DOCK4: variants seen among roughly 807,000 people sequenced by gnomAD.
DOCK4 encodes the protein dedicator of cytokinesis 4, also known as dedicator of cytokinesis protein 4.
In DOCK4, 97 loss-of-function variants were observed where a neutral mutation model predicts 268.1. That is an observed-to-expected ratio of 0.36 (90% CI 0.31 to 0.43). The LOEUF (loss-of-function observed/expected upper bound fraction) is 0.43. Ranked by LOEUF, DOCK4 falls within the 20% of genes least tolerant of loss-of-function variation. DOCK4 has a pLI of 1.00. For synonymous variants in DOCK4, 954 were observed against 887.2 expected (o/e 1.08, Z -1.34); for missense variants, 2,145 against 2,455.7 (o/e 0.87, Z 2.67).
intron 30 of DOCK4, among the ~76,000 whole-genome samples, chr7:111,803,964 A>G (rs374755267): frequency 6.6e-6 from 1 of 152,322 alleles, no homozygotes; most frequent in East Asian, 1.9e-4. Context: ...TGGAGAGAAA[A>G]TGGAGAAACT....
intron 11 of DOCK4, among the ~76,000 whole-genome samples, chr7:111,937,322 G>A (rs1794821593): frequency 6.6e-6 from 1 of 152,102 alleles, no homozygotes; most frequent in Non-Finnish European, 1.5e-5. Context: ...TGACTGTTTT[G>A]ACTGGTTAGT....
At chr7:111,759,235 G>A (rs897829048) in intron 40 of DOCK4, among the ~76,000 whole-genome samples, 32 of 152,180 alleles carry the variant, frequency 2.1e-4, no homozygotes, top group African/African-American at 7.5e-4. Context: ...ATGCAACCAT[G>A]ACCAAAGACA....
rs56276228 is a variant in DOCK4 at position 111,936,485 on chromosome 7, AATGGATGGATGG to A, written c.978-869_978-858del. The stretch of plus-strand genomic sequence containing the variant: ...ATGCTTAAAAACTGTCAGTGGTATG[AATGGATGGATGG>A]ATGGATGGATGGATGGATGGATGGA... On this transcript the variant is annotated intron_variant, in intron 11 of 52. Coordinates refer to ENST00000428084, the MANE Select transcript of DOCK4 (RefSeq NM_001363540.2). Among the ~76,000 whole-genome samples, 298 of 148,174 alleles carry A rather than the reference AATGGATGGATGG, an allele frequency of 2.0e-3. 2 individuals are homozygous for A. The highest frequency in any genetic ancestry group is 8.2e-3 in the South Asian group (38 of 4,662).
intron 44 of DOCK4, 27 bp from the exon 45 acceptor site, chr7:111,742,159 C>G: frequency 6.5e-7 from 1 of 1,546,200 alleles, no homozygotes; most frequent in South Asian, 1.3e-5. Context: ...AGGAAAAAAC[C>G]TCACATCAAT....
At chr7:112,170,897 G>A (rs10953705) in intron 1 of DOCK4, among the ~76,000 whole-genome samples, 15,082 of 152,168 alleles carry the variant, frequency 0.099, 928 homozygotes, top group South Asian at 0.14. Flanking sequence ...CTTTTAGTGC[G>A]ATGATCCCAG....
intron 7 of DOCK4, 112 bp downstream of exon 7, chr7:111,984,194 T>G (rs1255426181): frequency 1.0e-6 from 1 of 972,648 alleles, no homozygotes; most frequent in Admixed American, 2.6e-5. Context: ...TTTTACTCTC[T>G]CTAAATTAAT....
intron 1 of DOCK4, among the ~76,000 whole-genome samples, chr7:112,105,629 T>G (rs780038182): frequency 4.0e-5 from 6 of 151,694 alleles, no homozygotes; most frequent in Admixed American, 6.6e-5. Context: ...TCCTCTTTCT[T>G]CTTTTTCTTT....
At chr7:112,000,665 G>A (rs2135293676) in intron 2 of DOCK4, 131 bp from the exon 3 acceptor site, 2 of 582,148 alleles carry the variant, frequency 3.4e-6, no homozygotes, top group Non-Finnish European at 5.7e-6. Context: ...AATATGGTAG[G>A]TATTGGCCTT....
chr7:111,917,107 C>T (rs1472420701), intron 12 of DOCK4, among the ~76,000 whole-genome samples: 1 of 151,070 alleles, frequency 6.6e-6, no homozygotes, highest in Non-Finnish European at 1.5e-5. Flanking sequence ...CCTGCCTCAG[C>T]CTCCTGAGTA....
intron 11 of DOCK4, among the ~76,000 whole-genome samples, chr7:111,938,717 G>A (rs1418442265): frequency 6.6e-6 from 1 of 152,144 alleles, no homozygotes; most frequent in African/African-American, 2.4e-5. Context: ...CAGTACCTCA[G>A]AATAAGACCT....
At chr7:111,856,557 A>C (rs1805030577) in intron 23 of DOCK4, among the ~76,000 whole-genome samples, 1 of 152,230 alleles carries the variant, frequency 6.6e-6, no homozygotes, top group Non-Finnish European at 1.5e-5. Flanking sequence ...CAGAAAACCC[A>C]AAATCATTAT....
At chr7:111,817,449 T>C (rs1306065717) in intron 27 of DOCK4, among the ~76,000 whole-genome samples, 3 of 152,088 alleles carry the variant, frequency 2.0e-5, no homozygotes, top group African/African-American at 7.2e-5. Context: ...CGCTCCTACC[T>C]TTCTTTGTGT....
intron 35 of DOCK4, among the ~76,000 whole-genome samples, chr7:111,782,125 A>G (rs537844169): frequency 3.3e-5 from 5 of 152,334 alleles, no homozygotes; most frequent in Non-Finnish European, 7.3e-5. Context: ...ACTTACATTA[A>G]AATATGACAA....
At chr7:112,151,008 G>A (rs534738903) in intron 1 of DOCK4, among the ~76,000 whole-genome samples, 1 of 152,272 alleles carries the variant, frequency 6.6e-6, no homozygotes, top group Admixed American at 6.5e-5. Context: ...GGTGAGCAGC[G>A]TTTCCTTATC....
In DOCK4 at chr7:111,759,734, A is replaced by T. The variant is rs1351039027; in HGVS notation, c.4162+447T>A. Among the ~76,000 whole-genome samples the T allele has an allele frequency of 2.2e-5, 3 of 135,642 alleles. No individual in the cohort carries two copies. The East Asian group carries it at 6.7e-4, about 30-fold the overall frequency. The allele number at this position is 135,642 out of a possible 152,430, so 89.0% of individuals were successfully genotyped here. On this transcript the variant is annotated intron_variant, in intron 40 of 52. Transcript: ENST00000428084. ...TGCCATAGCTAAAAGCCCCCAAAAG[A>T]TACTGGAGTAGCTCTTTCTCTTCCA...
At chr7:111,918,954 G>T (rs766438661) in intron 12 of DOCK4, among the ~76,000 whole-genome samples, 2 of 152,006 alleles carry the variant, frequency 1.3e-5, no homozygotes, top group Non-Finnish European at 2.9e-5. Flanking sequence ...ACATCATGTG[G>T]TATACATAAA....
At chr7:112,078,894 G>T (rs1362173634) in intron 1 of DOCK4, among the ~76,000 whole-genome samples, 2 of 152,176 alleles carry the variant, frequency 1.3e-5, no homozygotes, top group African/African-American at 4.8e-5. Flanking sequence ...GGGAGGTCGA[G>T]GCAGGTGGAT....
At position 111,831,298 on chromosome 7, in the gene DOCK4, C is replaced by A. The variant is rs73715274; in HGVS notation, c.2835+3290G>T. ...CTTACAACTCCTCCCACTCCTTCAC[C>A]TTTTTAATATTATCAGTCATCAAGT... On this transcript the variant is annotated intron_variant, in intron 26 of 52. Transcript: ENST00000428084. Among the ~76,000 whole-genome samples, 914 of 152,138 alleles carry A rather than the reference C, an allele frequency of 6.0e-3. 14 individuals carry two copies. The highest frequency in any genetic ancestry group is 0.041 in the East Asian group (209 of 5,160).
intron 13 of DOCK4, among the ~76,000 whole-genome samples, chr7:111,902,137 AG>A (rs1791199574): frequency 2.0e-5 from 3 of 152,316 alleles, no homozygotes; most frequent in African/African-American, 7.2e-5. Context: ...ACAGCCTAGC[AG>A]GGGTGGCTCA....
Sources: gnomAD v4.1 joint callset for allele counts (sites outside exome capture counted in the v4.1 genomes callset) on GRCh38, gnomAD v4.1.1 for gene constraint, MANE v1.5 for transcripts, NCBI Gene and HGNC (gene_info 2026-07-23, HGNC 2026-07-21) for gene names.